The following OTUD7A variants were observed in gnomAD, a reference collection of about 807,000 sequenced individuals.
The protein encoded by OTUD7A is OTU deubiquitinase 7A.
Under a neutral mutation model 65.7 loss-of-function variants are expected in OTUD7A, and 12 were observed. The ratio of observed to expected loss-of-function variants is 0.18; its 90% CI spans 0.12 to 0.30. The LOEUF is 0.30. Ranked by LOEUF, OTUD7A falls within the 10% of genes least tolerant of loss-of-function variation. OTUD7A has a pLI of 1.00. For synonymous variants in OTUD7A, 641 were observed against 586.3 expected (o/e 1.09, Z -1.35); for missense variants, 1,148 against 1,304.8 (o/e 0.88, Z 1.85).
intron 1 of OTUD7A, among the ~76,000 whole-genome samples, chr15:31,681,529 C>T (rs989807527): frequency 1.3e-5 from 2 of 151,782 alleles, no homozygotes; most frequent in African/African-American, 4.8e-5. Context: ...CATATCTACC[C>T]GTATGCCTAT....
chr15:31,686,399 C>T (rs896878222), intron 1 of OTUD7A, among the ~76,000 whole-genome samples: 21 of 152,184 alleles, frequency 1.4e-4, no homozygotes, highest in Non-Finnish European at 2.8e-4. Context: ...CTTTGGGAAA[C>T]TGAAAAAAAG....
chr15:31,696,980 G>A (rs180722538), intron 1 of OTUD7A, among the ~76,000 whole-genome samples: 3 of 151,434 alleles, frequency 2.0e-5, no homozygotes, highest in East Asian at 1.9e-4. Flanking sequence ...CTTCCCTGGG[G>A]GAACTATAAT....
rs575409411 is a variant in OTUD7A, at chr15:31,535,128, AT to A, written c.551-4321del. The stretch of plus-strand genomic sequence containing the variant: ...CTAATACAGTTCAACATACTCTGAT[AT>A]CGGTTTGGCTCTGTGTCCTCACCCA... On this transcript the variant is annotated intron_variant, in intron 5 of 12. Coordinates refer to ENST00000307050, the MANE Select transcript of OTUD7A (RefSeq NM_001382637.1). 3.3e-3 allele frequency among the ~76,000 whole-genome samples: 509 copies of A among 152,352 alleles called. 4 individuals carry two copies. The highest frequency in any genetic ancestry group is 0.012 in the African/African-American group (490 of 41,584).
intron 1 of OTUD7A, among the ~76,000 whole-genome samples, chr15:31,723,377 C>T (rs1893796730): frequency 8.4e-6 from 1 of 119,122 alleles, no homozygotes; most frequent in Non-Finnish European, 1.8e-5. Context: ...TCCCAACTGC[C>T]CCCCGCACCG....
intron 1 of OTUD7A, among the ~76,000 whole-genome samples, chr15:31,678,655 G>C (rs1278725897): frequency 1.3e-5 from 2 of 152,240 alleles, no homozygotes; most frequent in Non-Finnish European, 2.9e-5. Context: ...CAGCTGCACA[G>C]AAGTCAAGAA....
rs1042859508 is a variant in OTUD7A, at chr15:31,746,715, C to T, written c.-99-89638G>A. On this transcript the variant is annotated intron_variant, in intron 1 of 12. Transcript: ENST00000307050. ...TTCTCCATGTTAGTCAGGCTTGTCTCGAACTCCTGACCTCAGGTGATTCAC... is the reference window on the plus strand; with the variant it reads ...TTCTCCATGTTAGTCAGGCTTGTCTTGAACTCCTGACCTCAGGTGATTCAC... Among the ~76,000 whole-genome samples, 6 of 152,086 alleles carry T rather than the reference C, an allele frequency of 3.9e-5. 1 individual carries two copies. The highest frequency in any genetic ancestry group is 1.4e-4 in the African/African-American group (6 of 41,408).
At chr15:31,625,626 T>G (rs1200055318) in intron 3 of OTUD7A, among the ~76,000 whole-genome samples, 1 of 152,158 alleles carries the variant, frequency 6.6e-6, no homozygotes, top group Non-Finnish European at 1.5e-5. Context: ...CCTAGCTACA[T>G]CTACCTGGGA....
At chr15:31,680,688 C>T (rs1037244587) in intron 1 of OTUD7A, among the ~76,000 whole-genome samples, 1 of 152,264 alleles carries the variant, frequency 6.6e-6, no homozygotes, top group African/African-American at 2.4e-5. Context: ...TCATTTCCTA[C>T]TGAAACTATT....
chr15:31,574,980 C>T (rs939093200), intron 3 of OTUD7A, among the ~76,000 whole-genome samples: 10 of 152,174 alleles, frequency 6.6e-5, no homozygotes, highest in South Asian at 4.1e-4. Context: ...CTTGCCGTGC[C>T]CTGCCCAATC....
At chr15:31,845,802 T>C (rs1214024100) in intron 1 of OTUD7A, among the ~76,000 whole-genome samples, 1 of 152,214 alleles carries the variant, frequency 6.6e-6, no homozygotes, top group Non-Finnish European at 1.5e-5. Context: ...TGAGTGAGCA[T>C]GGAGCACAAA....
chr15:31,839,206 C>G (rs181279763), intron 1 of OTUD7A, among the ~76,000 whole-genome samples: 1 of 152,342 alleles, frequency 6.6e-6, no homozygotes, highest in African/African-American at 2.4e-5. Context: ...AGCAGTGGCC[C>G]CAGGCTCCAG....
At chr15:31,799,501 T>G (rs1484063925) in intron 1 of OTUD7A, among the ~76,000 whole-genome samples, 1 of 152,062 alleles carries the variant, frequency 6.6e-6, no homozygotes, top group Admixed American at 6.5e-5. Flanking sequence ...GCCCCCATGA[T>G]AGGATTAGTG....
At chr15:31,709,092 A>G (rs12595478) in intron 1 of OTUD7A, among the ~76,000 whole-genome samples, 98,774 of 150,460 alleles carry the variant, frequency 0.66, 33,711 homozygotes, top group South Asian at 0.8. Flanking sequence ...GGGAGAGAAA[A>G]CACAGGCCAC....
At chr15:31,849,226 C>G (rs1897361573) in intron 1 of OTUD7A, among the ~76,000 whole-genome samples, 1 of 152,186 alleles carries the variant, frequency 6.6e-6, no homozygotes, top group South Asian at 2.1e-4. Context: ...TGGAACAGAA[C>G]AGAGCCCTCA....
Position 31,834,078 on chromosome 15 carries a change from TA to T in OTUD7A, c.-100+36428del, listed in dbSNP as rs1384467274. Among the ~76,000 whole-genome samples the T allele has an allele frequency of 3.3e-5, 5 of 152,314 alleles. No homozygotes were observed. The South Asian group carries it at 8.3e-4, about 25-fold the overall frequency. ...TTAAGGACATCTGTCCTGAAAAGAG[TA>T]ATATTCTTTAGCTTTTGCTTTGGGC... On this transcript the variant is annotated intron_variant, in intron 1 of 12. Coordinates refer to ENST00000307050, the MANE Select transcript of OTUD7A (RefSeq NM_001382637.1).
chr15:31,639,236 C>T (rs1201123410), intron 3 of OTUD7A, among the ~76,000 whole-genome samples: 1 of 152,088 alleles, frequency 6.6e-6, no homozygotes, highest in East Asian at 1.9e-4. Context: ...ATTTCCTAGA[C>T]TTTACATAAG....
intron 1 of OTUD7A, among the ~76,000 whole-genome samples, chr15:31,720,561 C>T (rs1379866468): frequency 5.7e-4 from 87 of 151,874 alleles, no homozygotes; most frequent in Middle Eastern, 6.8e-3. Context: ...CCACCTCGCC[C>T]GGCTAATTTT....
chr15:31,762,095 T>C (rs1436350546), intron 1 of OTUD7A, among the ~76,000 whole-genome samples: 1 of 152,234 alleles, frequency 6.6e-6, no homozygotes, highest in African/African-American at 2.4e-5. Context: ...TCTGTGAATA[T>C]ACTAAAAATC....
chr15:31,846,286 A>G (rs1897291691), intron 1 of OTUD7A, among the ~76,000 whole-genome samples: 1 of 152,270 alleles, frequency 6.6e-6, no homozygotes, highest in Non-Finnish European at 1.5e-5. Flanking sequence ...CCCACTGGCC[A>G]GTCTAGAGCC....
Sources: gnomAD v4.1 joint callset for allele counts (sites outside exome capture counted in the v4.1 genomes callset) on GRCh38, gnomAD v4.1.1 for gene constraint, MANE v1.5 for transcripts, NCBI Gene and HGNC (gene_info 2026-07-23, HGNC 2026-07-21) for gene names.